MARCHF10: variants seen among roughly 807,000 people sequenced by gnomAD.
The protein encoded by MARCHF10 is membrane associated ring-CH-type finger 10.
In MARCHF10, 64 loss-of-function variants were observed where a neutral mutation model predicts 76.2. That is an observed-to-expected ratio of 0.84 (90% CI 0.69 to 1.03). The LOEUF (loss-of-function observed/expected upper bound fraction) is 1.03. Ranked by LOEUF, MARCHF10 falls within the 50% of genes least tolerant of loss-of-function variation. The pLI is 0.00. For missense variants in MARCHF10, 875 were observed against 958.0 expected, an observed-to-expected ratio of 0.91 and a Z score of 1.14; for synonymous variants, 340 against 357.5, an observed-to-expected ratio of 0.95 and a Z score of 0.55.
At chr17:62,705,696 G>A in intron 9 of MARCHF10, 115 bp from the exon 10 acceptor site, 1 of 1,327,956 alleles carries the variant, frequency 7.5e-7, no homozygotes, top group South Asian at 1.4e-5. Context: ...ACTTTAAAGG[G>A]GCAGGAAAAT....
chr17:62,706,864 G>A (rs557405982), intron 9 of MARCHF10, among the ~76,000 whole-genome samples: 72 of 152,314 alleles, frequency 4.7e-4, no homozygotes, highest in Middle Eastern at 3.4e-3. Flanking sequence ...GGAGTGCTCC[G>A]TGTGGGGGCT....
intron 7 of MARCHF10, among the ~76,000 whole-genome samples, chr17:62,722,830 C>T (rs776317652): frequency 6.6e-6 from 1 of 152,078 alleles, no homozygotes; most frequent in Non-Finnish European, 1.5e-5. Flanking sequence ...ATTCCCACGA[C>T]TTTTAAATAG....
In MARCHF10 at chr17:62,781,129, G is replaced by A. The variant is rs1223322963; in HGVS notation, c.210+7351C>T. ...TTTCCCTGTTAAATTCCAATCTGAT[G>A]AAACAGTTCACAGGGTTGTACGTAA... is the stretch of plus-strand genomic sequence containing the variant. On this transcript the variant is annotated intron_variant, in intron 3 of 10. Transcript: ENST00000311269. 3 of 152,312 alleles carry A rather than the reference G, an allele frequency of 2.0e-5. No homozygotes were observed. In the East Asian group the frequency reaches 5.8e-4, roughly 29 times the overall value. 9.4% of individuals were successfully genotyped at this position (152,312 alleles called of 1,614,324 possible).
At position 62,788,465 on chromosome 17, in the gene MARCHF10, C is replaced by T; in HGVS notation, c.210+15G>A. On this transcript the variant is annotated intron_variant, in intron 3 of 10. Transcript: ENST00000311269. ...GCAGCAGCCCCAGGAGACTGTCTCC[C>T]AGAATTCTTCATACCTGTTTGGAAG... The T allele has an allele frequency of 6.2e-7, 1 of 1,613,880 alleles. No individual in the cohort carries two copies. The highest frequency in any genetic ancestry group is 1.1e-5 in the South Asian group (1 of 91,076).
chr17:62,737,051 C>A lies in MARCHF10; in HGVS notation c.817G>T (p.Asp273Tyr). ...GACAAAATGGAATAAAAGTCTTCATCTCGGAACCTAAATGATGCCTTTCTT... is the reference window on the plus strand; with the variant it reads ...GACAAAATGGAATAAAAGTCTTCATATCGGAACCTAAATGATGCCTTTCTT... ...GPRKASFRFR[D>Y]EDFYSILSLN... Residue 273 changes from aspartate to tyrosine, a missense_variant, in exon 6 of 11, where the codon GAT becomes TAT. Asp to Tyr is a radical substitution (Grantham distance 160). Coordinates refer to ENST00000311269, the MANE Select transcript of MARCHF10 (RefSeq NM_152598.4). The A allele has an allele frequency of 6.2e-7, 1 of 1,614,104 alleles. No homozygotes were observed.
chr17:62,773,228 G>A (rs1236845525), intron 3 of MARCHF10, among the ~76,000 whole-genome samples: 1 of 152,142 alleles, frequency 6.6e-6, no homozygotes, highest in East Asian at 1.9e-4. Context: ...AAGAGGAGCA[G>A]GTGGCTTTGC....
intron 4 of MARCHF10, among the ~76,000 whole-genome samples, chr17:62,753,039 G>C (rs1173749567): frequency 6.6e-6 from 1 of 152,076 alleles, no homozygotes; most frequent in African/African-American, 2.4e-5. Context: ...TACCGGTGGG[G>C]CCTCAACTTT....
intron 3 of MARCHF10, among the ~76,000 whole-genome samples, chr17:62,766,739 G>C (rs2092341445): frequency 6.6e-6 from 1 of 152,052 alleles, no homozygotes; most frequent in Non-Finnish European, 1.5e-5. Context: ...CGGAATAACA[G>C]GTCATTAAAC....
At position 62,796,294 on chromosome 17, in the gene MARCHF10, C is replaced by T. The variant is rs149138109; in HGVS notation, c.90+5352G>A. 1.4e-4 allele frequency among the ~76,000 whole-genome samples: 22 copies of T among 152,266 alleles called. No homozygotes were observed. In the East Asian group the frequency reaches 4.3e-3, roughly 29 times the overall value. ...GGCATGAGCCACTGCGCCCGGCCTA[C>T]ATCATGCAATTGATTCTTAAACCAC... On this transcript the variant is annotated intron_variant, in intron 2 of 10. Transcript: ENST00000311269.
chr17:62,793,463 T>C (rs868702587), intron 2 of MARCHF10, among the ~76,000 whole-genome samples: 125 of 48,230 alleles, frequency 2.6e-3, no homozygotes, highest in Middle Eastern at 0.024. Flanking sequence ...ACCACCACCA[T>C]CACCACCACC....
chr17:62,717,483 C>T (rs79711323), intron 8 of MARCHF10, among the ~76,000 whole-genome samples: 19,938 of 152,326 alleles, frequency 0.13, 1,630 homozygotes, highest in East Asian at 0.22. Flanking sequence ...CCCTCCTGCT[C>T]TGTGGCCCAG....
chr17:62,765,351 CAAAAAAAAA>C (rs57082084), intron 3 of MARCHF10, among the ~76,000 whole-genome samples: 1 of 73,618 alleles, frequency 1.4e-5, no homozygotes, highest in African/African-American at 5.9e-5. Flanking sequence ...GACTCTGTCT[CAAAAAAAAA>C]AAAAAAAAAA....
intron 10 of MARCHF10, among the ~76,000 whole-genome samples, chr17:62,704,081 C>T (rs1164114000): frequency 1.3e-5 from 2 of 151,866 alleles, no homozygotes; most frequent in Non-Finnish European, 2.9e-5. Flanking sequence ...ACCCTGCTGC[C>T]CTGTCCTCCC....
intron 2 of MARCHF10, chr17:62,795,093 A>T (rs2092961144): frequency 1.0e-6 from 1 of 983,866 alleles, no homozygotes. Context: ...TCCCCATTCC[A>T]GCTCCCTGAG....
chr17:62,729,524 G>GTA (rs1052926571), intron 6 of MARCHF10, among the ~76,000 whole-genome samples: 4 of 147,490 alleles, frequency 2.7e-5, no homozygotes, highest in East Asian at 3.9e-4. Context: ...ATCTATGTGT[G>GTA]TATATATATA....
rs547147079 is a variant in MARCHF10, at chr17:62,786,203, T to C, written c.210+2277A>G. On this transcript the variant is annotated intron_variant, in intron 3 of 10. Coordinates refer to ENST00000311269, the MANE Select transcript of MARCHF10 (RefSeq NM_152598.4). ...TATACCATGGAATACTATGCAGCCA[T>C]AAAAAAGGATGAGTTCATGTCCTTT... 7.2e-3 allele frequency among the ~76,000 whole-genome samples: 1,102 copies of C among 152,028 alleles called. 25 individuals carry two copies. Among genetic ancestry groups the C allele is most frequent in the East Asian group, 0.05 (257 of 5,164 alleles).
At position 62,789,081 on chromosome 17, in the gene MARCHF10, A is replaced by C. The variant is rs544315163; in HGVS notation, c.91-482T>G. Among the ~76,000 whole-genome samples the C allele has an allele frequency of 1.4e-3, 205 of 150,398 alleles. 8 individuals carry two copies. In the South Asian group the frequency reaches 0.037, roughly 27 times the overall value. ...CGAGACTCCGTCTCAAAAAAAAAAA[A>C]AAAAAAAAAAAAACGCAGGTCAGAC... On this transcript the variant is annotated intron_variant, in intron 2 of 10. Transcript: ENST00000311269.
intron 3 of MARCHF10, among the ~76,000 whole-genome samples, chr17:62,770,195 G>T (rs962168506): frequency 6.6e-6 from 1 of 152,156 alleles, no homozygotes; most frequent in Non-Finnish European, 1.5e-5. Context: ...CAAAGAACAT[G>T]GTTTCTTTCT....
At chr17:62,799,719 C>A (rs1222621681) in intron 2 of MARCHF10, among the ~76,000 whole-genome samples, 1 of 151,362 alleles carries the variant, frequency 6.6e-6, no homozygotes, top group Non-Finnish European at 1.5e-5. Flanking sequence ...GCACTCCAGC[C>A]TGGGCAACAA....
Sources: allele counts gnomAD v4.1 joint callset (sites outside exome capture counted in the v4.1 genomes callset), GRCh38; gene constraint gnomAD v4.1.1; transcripts MANE v1.5; gene names NCBI Gene and HGNC (gene_info 2026-07-23, HGNC 2026-07-21).